MAGI2: variants seen among roughly 807,000 people sequenced by gnomAD.
MAGI2 encodes membrane associated guanylate kinase, WW and PDZ domain containing 2, also known as membrane-associated guanylate kinase, WW and PDZ domain-containing protein 2.
MAGI2 carries 35 observed loss-of-function variants against 133.3 expected under a neutral mutation model. The ratio of observed to expected loss-of-function variants is 0.26; its 90% CI spans 0.20 to 0.35. The LOEUF (loss-of-function observed/expected upper bound fraction) is 0.35, where lower values mean the gene tolerates loss of function less well. Ranked by LOEUF, MAGI2 falls within the 10% of genes least tolerant of loss-of-function variation. The probability of loss-of-function intolerance (pLI) is 1.00; values close to 1 mark genes in which losing one functional copy is unlikely to be tolerated. For missense variants in MAGI2, 1,636 were observed against 1,863.4 expected (o/e 0.88, Z 2.25); for synonymous variants, 729 against 710.6 (o/e 1.03, Z -0.41).
At chr7:78,187,252 T>C (rs1460561182) in intron 12 of MAGI2, among the ~76,000 whole-genome samples, 1 of 152,128 alleles carries the variant, frequency 6.6e-6, no homozygotes, top group Non-Finnish European at 1.5e-5. Context: ...ATATGTAAAT[T>C]AGTTGTTGCT....
chr7:78,756,935 GA>G (rs1824005643), intron 2 of MAGI2, among the ~76,000 whole-genome samples: 1 of 152,096 alleles, frequency 6.6e-6, no homozygotes, highest in East Asian at 1.9e-4. Flanking sequence ...AATGACCACT[GA>G]TTTCAAGTGA....
chr7:78,070,496 GTGTGTGTATATATA>G (rs1427370325), intron 21 of MAGI2, among the ~76,000 whole-genome samples: 5 of 141,704 alleles, frequency 3.5e-5, no homozygotes, highest in African/African-American at 1.1e-4. Context: ...GTGTATATAT[GTGTGTGTATATATA>G]TGTGTGTATA....
At chr7:79,136,277 T>A (rs1363727115) in intron 1 of MAGI2, among the ~76,000 whole-genome samples, 1 of 152,232 alleles carries the variant, frequency 6.6e-6, no homozygotes, top group African/African-American at 2.4e-5. Flanking sequence ...TTCAGTCAGA[T>A]GTCTACTTAC....
At chr7:79,027,022 A>G (rs1322123272) in intron 1 of MAGI2, among the ~76,000 whole-genome samples, 1 of 152,190 alleles carries the variant, frequency 6.6e-6, no homozygotes, top group Non-Finnish European at 1.5e-5. Context: ...GTATCACTTC[A>G]CATCTGTCAT....
intron 1 of MAGI2, among the ~76,000 whole-genome samples, chr7:79,138,152 C>T (rs1414612858): frequency 6.6e-6 from 1 of 152,200 alleles, no homozygotes; most frequent in Non-Finnish European, 1.5e-5. Flanking sequence ...TTTCCGACTT[C>T]TGACCTCCAG....
rs577499988 is a variant in MAGI2 at position 78,631,084 on chromosome 7, G to T, written c.419-3845C>A. Among the ~76,000 whole-genome samples, 55 of 152,260 alleles carry T rather than the reference G, an allele frequency of 3.6e-4. 2 individuals carry two copies. Among genetic ancestry groups the T allele is most frequent in the Non-Finnish European group, 7.4e-5 (5 of 68,014 alleles). On this transcript the variant is annotated intron_variant, in intron 2 of 21. Transcript: ENST00000354212. ...TCGAAGGTTGCATGGAAGCCACATT[G>T]TTTGAGATTTTCCAAGCCTGAAAAT... is the stretch of plus-strand genomic sequence containing the variant.
At chr7:78,852,041 A>C (rs1793178026) in intron 2 of MAGI2, among the ~76,000 whole-genome samples, 1 of 152,138 alleles carries the variant, frequency 6.6e-6, no homozygotes, top group African/African-American at 2.4e-5. Context: ...ACATCTTGAC[A>C]GATATTATAT....
In MAGI2 at chr7:79,294,113, G is replaced by T. The variant is rs553532320; in HGVS notation, c.301+158907C>A. ...GAGTTGCTTGAACACAGGAGGCAAAGGGTGCAGTGAGCCAAGATTGCACCA... is the reference window on the plus strand; with the variant it reads ...GAGTTGCTTGAACACAGGAGGCAAATGGTGCAGTGAGCCAAGATTGCACCA... On this transcript the variant is annotated intron_variant, in intron 1 of 21. Transcript: ENST00000354212. Among the ~76,000 whole-genome samples the T allele has an allele frequency of 8.6e-5, 13 of 151,186 alleles. No individual in the cohort carries two copies. The South Asian group carries it at 2.7e-3, about 32-fold the overall frequency.
chr7:78,854,168 C>T (rs1000582720), intron 2 of MAGI2, among the ~76,000 whole-genome samples: 2 of 152,038 alleles, frequency 1.3e-5, no homozygotes, highest in African/African-American at 2.4e-5. Flanking sequence ...TTCATGGAAA[C>T]TATGTATACT....
chr7:78,822,429 A>G (rs1790211515), intron 2 of MAGI2, among the ~76,000 whole-genome samples: 1 of 152,122 alleles, frequency 6.6e-6, no homozygotes, highest in Admixed American at 6.5e-5. Flanking sequence ...TATAAGGTGC[A>G]GCAATTTTAC....
At chr7:78,524,950 G>GTTT (rs72412091) in intron 3 of MAGI2, among the ~76,000 whole-genome samples, 6 of 151,572 alleles carry the variant, frequency 4.0e-5, no homozygotes, top group African/African-American at 4.8e-5. Context: ...ACACTTCAGT[G>GTTT]TTTTTTTTCC....
intron 2 of MAGI2, among the ~76,000 whole-genome samples, chr7:78,864,664 A>T (rs940440065): frequency 6.6e-6 from 1 of 152,214 alleles, no homozygotes; most frequent in African/African-American, 2.4e-5. Context: ...ACCAATTTTC[A>T]TAAAAATACC....
Position 78,469,110 on chromosome 7 carries a change from T to C in MAGI2, c.1045+20651A>G, listed in dbSNP as rs1481772258. 7.9e-5 allele frequency among the ~76,000 whole-genome samples: 12 copies of C among 152,180 alleles called. No homozygotes were observed. In the East Asian group the frequency reaches 2.1e-3, roughly 27 times the overall value. ...TCAGAAAACAAGTTTAAATACAGTT[T>C]ATGATATATATCCATTTGACACCTT... On this transcript the variant is annotated intron_variant, in intron 6 of 21. Transcript: ENST00000354212.
At chr7:78,999,709 C>A (rs892695520) in intron 2 of MAGI2, among the ~76,000 whole-genome samples, 1 of 152,146 alleles carries the variant, frequency 6.6e-6, no homozygotes, top group East Asian at 1.9e-4. Flanking sequence ...TGTTTAGAAG[C>A]TTTTGAAGTT....
At chr7:78,834,573 T>C (rs1291363254) in intron 2 of MAGI2, among the ~76,000 whole-genome samples, 2 of 152,224 alleles carry the variant, frequency 1.3e-5, no homozygotes, top group African/African-American at 4.8e-5. Context: ...CCATATTGTA[T>C]TTATTATCAG....
intron 20 of MAGI2, among the ~76,000 whole-genome samples, chr7:78,098,050 A>C (rs904920816): frequency 6.6e-6 from 1 of 152,158 alleles, no homozygotes; most frequent in African/African-American, 2.4e-5. Flanking sequence ...ATATTTAAAA[A>C]TATTACAGAG....
At chr7:78,632,519 A>G (rs750334027) in intron 2 of MAGI2, among the ~76,000 whole-genome samples, 1 of 152,234 alleles carries the variant, frequency 6.6e-6, no homozygotes, top group Non-Finnish European at 1.5e-5. Context: ...GAGCCTGGTT[A>G]TATTTTAGAA....
At chr7:78,089,374 G>T (rs956187236) in intron 20 of MAGI2, among the ~76,000 whole-genome samples, 1 of 152,174 alleles carries the variant, frequency 6.6e-6, no homozygotes, top group East Asian at 1.9e-4. Flanking sequence ...AATAAATCTG[G>T]GGGAGAAGGT....
chr7:79,084,445 T>C (rs956711131), intron 1 of MAGI2, among the ~76,000 whole-genome samples: 5 of 151,796 alleles, frequency 3.3e-5, no homozygotes, highest in African/African-American at 1.2e-4. Context: ...TGCCATTGCA[T>C]AGTTGTAGAT....
Sources: gnomAD v4.1 joint callset for allele counts (sites outside exome capture counted in the v4.1 genomes callset) on GRCh38, gnomAD v4.1.1 for gene constraint, MANE v1.5 for transcripts, NCBI Gene and HGNC (gene_info 2026-07-23, HGNC 2026-07-21) for gene names.